CAPN2: variants seen among roughly 807,000 people sequenced by gnomAD.
The protein encoded by CAPN2 is calpain 2, also known as calpain-2 catalytic subunit.
CAPN2 carries 92 observed loss-of-function variants against 102.3 expected under a neutral mutation model. That is an observed-to-expected ratio of 0.90 (90% CI 0.76 to 1.07). CAPN2 has a LOEUF of 1.07. CAPN2 is among the 50% of genes least tolerant of loss of function. The probability of loss-of-function intolerance (pLI) is 0.00; values close to 1 mark genes in which losing one functional copy is unlikely to be tolerated. For synonymous variants in CAPN2, 340 were observed against 355.4 expected (o/e 0.96, Z 0.49); for missense variants, 800 against 909.4 (o/e 0.88, Z 1.55).
upstream of CAPN2, among the ~76,000 whole-genome samples, chr1:223,711,060 A>G (rs1436533942): frequency 6.6e-6 from 1 of 152,196 alleles, no homozygotes; most frequent in Non-Finnish European, 1.5e-5. Context: ...CACAAGAGCT[A>G]TCTTGGACAT....
At chr1:223,721,984 C>A (rs1283716380) in intron 2 of CAPN2, among the ~76,000 whole-genome samples, 2 of 151,836 alleles carry the variant, frequency 1.3e-5, no homozygotes, top group African/African-American at 4.8e-5. Flanking sequence ...GCCAAATTGC[C>A]GAAGAAAAAG....
chr1:223,729,853 A>G (rs1401237104), intron 2 of CAPN2, among the ~76,000 whole-genome samples: 1 of 151,986 alleles, frequency 6.6e-6, no homozygotes, highest in African/African-American at 2.4e-5. Flanking sequence ...AAATGCAAAA[A>G]TTAACTGGGC....
chr1:223,707,936 G>C (rs966643907), upstream of CAPN2, among the ~76,000 whole-genome samples: 3 of 152,252 alleles, frequency 2.0e-5, no homozygotes, highest in Non-Finnish European at 4.4e-5. Flanking sequence ...AGAAGCCTGC[G>C]CTCTGCCCCA....
chr1:223,717,260 T>C (rs1251152115), intron 1 of CAPN2, among the ~76,000 whole-genome samples: 1 of 152,058 alleles, frequency 6.6e-6, no homozygotes, highest in African/African-American at 2.4e-5. Context: ...TGAGTGAGGA[T>C]TGGACTAGGA....
intron 2 of CAPN2, among the ~76,000 whole-genome samples, chr1:223,735,275 C>A (rs1414466189): frequency 6.6e-6 from 1 of 152,132 alleles, no homozygotes; most frequent in Non-Finnish European, 1.5e-5. Context: ...TGCATGTAAT[C>A]CCAGCTCTTT....
chr1:223,752,173 G>A, intron 8 of CAPN2, 102 bp downstream of exon 8: 1 of 795,168 alleles, frequency 1.3e-6, no homozygotes, highest in Non-Finnish European at 2.1e-6. Flanking sequence ...AGTTTACCAT[G>A]TCGAGGACAC....
chr1:223,735,720 A>G (rs1483876600), intron 2 of CAPN2, among the ~76,000 whole-genome samples: 1 of 151,440 alleles, frequency 6.6e-6, no homozygotes, highest in African/African-American at 2.4e-5. Context: ...CCCAGCAGCG[A>G]GGGGGACAGC....
Position 223,744,164 on chromosome 1 carries a change from C to T in CAPN2, c.372C>T (p.Val124=), listed in dbSNP as rs372591359. 34 of 1,614,034 alleles carry T rather than the reference C, an allele frequency of 2.1e-5. No homozygotes were observed. The highest frequency in any genetic ancestry group is 8.3e-5 in the Admixed American group (5 of 60,002). The part of the protein sequence containing the change: ...LTLNEEILAR[V]VPLNQSFQEN... The stretch of plus-strand genomic sequence containing the variant: ...TGAATGAAGAAATCCTGGCTCGAGT[C>T]GTCCCCCTAAACCAGAGCTTCCAGG... The change falls in exon 3 of 21, where the codon GTC becomes GTT. Residue 124 remains valine (V), a synonymous_variant. Coordinates refer to ENST00000295006, the MANE Select transcript of CAPN2 (RefSeq NM_001748.5).
At chr1:223,708,423 TAA>T (rs35955532), upstream of CAPN2, among the ~76,000 whole-genome samples, 15,839 of 135,836 alleles carry the variant, frequency 0.12, 1,001 homozygotes, top group South Asian at 0.16. Flanking sequence ...AAACTCTGTT[TAA>T]AAAAAAAAAA....
At position 223,750,995 on chromosome 1, in the gene CAPN2, C is replaced by T. The variant is rs776934113; in HGVS notation, c.899+20C>T. ...TGACAAGTGAGGAGGGCGCAGGCCTCGGGGCCCCAGGCGGGGGTGCATTGT... is the reference window on the plus strand; with the variant it reads ...TGACAAGTGAGGAGGGCGCAGGCCTTGGGGCCCCAGGCGGGGGTGCATTGT... On this transcript the variant is annotated intron_variant, in intron 7 of 20. Coordinates refer to ENST00000295006, the MANE Select transcript of CAPN2 (RefSeq NM_001748.5). 13 of 1,548,460 alleles carry T rather than the reference C, an allele frequency of 8.4e-6. No individual in the cohort carries two copies. Among genetic ancestry groups the T allele is most frequent in the East Asian group, 2.4e-5 (1 of 40,918 alleles).
chr1:223,708,467 TAGAA>T (rs200999897), upstream of CAPN2, among the ~76,000 whole-genome samples: 441 of 147,586 alleles, frequency 3.0e-3, no homozygotes, highest in African/African-American at 0.01. Flanking sequence ...GACACTTCAA[TAGAA>T]AGAAAGACTA....
chr1:223,761,446 TC>T (rs2102810718), intron 12 of CAPN2, 134 bp from the exon 13 acceptor site: 4 of 568,508 alleles, frequency 7.0e-6, no homozygotes, highest in East Asian at 3.0e-5. Context: ...TACAAAGACC[TC>T]CCCCCACCGC....
Position 223,752,959 on chromosome 1 carries a change from A to G in CAPN2, c.1135+3A>G. Reference sequence around the variant, plus strand: ...GGGAGGTTGCAGGAACTACCCGAGTAAGGGCTGTTGCATATAAGGGCTGTT... The same window carrying G: ...GGGAGGTTGCAGGAACTACCCGAGTGAGGGCTGTTGCATATAAGGGCTGTT... On this transcript the variant is annotated splice_donor_region_variant and intron_variant, in intron 9 of 20. Transcript: ENST00000295006. The G allele has an allele frequency of 6.2e-7, 1 of 1,613,884 alleles. No individual in the cohort carries two copies. The highest frequency in any genetic ancestry group is 8.5e-7 in the Non-Finnish European group (1 of 1,179,902).
In CAPN2 at chr1:223,762,764, T is replaced by C. The variant is rs148438464; in HGVS notation, c.1632+513T>C. Among the ~76,000 whole-genome samples, 173 of 152,224 alleles carry C rather than the reference T, an allele frequency of 1.1e-3. 1 individual carries two copies. The highest frequency in any genetic ancestry group is 3.9e-3 in the African/African-American group (164 of 41,546). On this transcript the variant is annotated intron_variant, in intron 14 of 20. Transcript: ENST00000295006. ...GGCATGATCATAGCTCACTGCAGCC[T>C]CCACTTCCTGGGCTCAAGAGATCTT...
Position 223,720,414 on chromosome 1 carries a change from C to G in CAPN2, c.307+2583C>G, listed in dbSNP as rs191980746. Among the ~76,000 whole-genome samples, 429 of 148,806 alleles carry G rather than the reference C, an allele frequency of 2.9e-3. 1 individual carries two copies. Among genetic ancestry groups the G allele is most frequent in the African/African-American group, 0.01 (410 of 40,298 alleles). ...CACTGCAGCCTTGGCCTCCTGGGCT[C>G]GAGTGATCCTCCCACCTCAGCCTTC... On this transcript the variant is annotated intron_variant, in intron 2 of 20. Coordinates refer to ENST00000295006, the MANE Select transcript of CAPN2 (RefSeq NM_001748.5).
rs577363552 is a variant in CAPN2, at chr1:223,706,688, T to C, written c.3+4857T>C. ...GATCTCCCTTGACTGGCTGTGAAGA[T>C]TAAGTGCACAAATATGTGTAAAGTG... On this transcript the variant is annotated intron_variant, in intron 1 of 20. Transcript: ENST00000433674. Among the ~76,000 whole-genome samples the C allele has an allele frequency of 2.6e-5, 4 of 152,326 alleles. No homozygotes were observed. In the South Asian group the frequency reaches 8.3e-4, roughly 32 times the overall value.
intron 5 of CAPN2, 110 bp downstream of exon 5, chr1:223,747,275 T>A: frequency 2.7e-6 from 3 of 1,096,398 alleles, no homozygotes; most frequent in Non-Finnish European, 3.8e-6. Flanking sequence ...AATGCAGCCC[T>A]CGTCCACGTA....
At chr1:223,767,687 T>C (rs1307673804) in intron 16 of CAPN2, among the ~76,000 whole-genome samples, 8 of 148,334 alleles carry the variant, frequency 5.4e-5, no homozygotes, top group Non-Finnish European at 1.1e-4. Flanking sequence ...TGATTTATAG[T>C]CCTTTGGGTA....
In CAPN2 at chr1:223,725,046, G is replaced by A. The variant is rs1419305; in HGVS notation, c.307+7215G>A. Among the ~76,000 whole-genome samples, 28,625 of 152,130 alleles carry A rather than the reference G, an allele frequency of 0.19. 3,198 individuals carry two copies. The highest frequency in any genetic ancestry group is 0.32 in the African/African-American group (13,158 of 41,458). On this transcript the variant is annotated intron_variant, in intron 2 of 20. Coordinates refer to ENST00000295006, the MANE Select transcript of CAPN2 (RefSeq NM_001748.5). The surrounding 1 kb of genome is among the most constrained non-coding windows in gnomAD (Gnocchi z 4.1). Reference sequence around the variant, plus strand: ...GTAGCGAATGAGGACTTGGTGTCTGGCAGTTAGGGACTGGCCTCTTATTCT... The same window carrying A: ...GTAGCGAATGAGGACTTGGTGTCTGACAGTTAGGGACTGGCCTCTTATTCT...
Sources: gnomAD v4.1 joint callset for allele counts (sites outside exome capture counted in the v4.1 genomes callset) on GRCh38, gnomAD v4.1.1 for gene constraint, Gnocchi (gnomAD v3.1) non-coding constraint, MANE v1.5 for transcripts, NCBI Gene and HGNC (gene_info 2026-07-23, HGNC 2026-07-21) for gene names.